Variants in PCNA observed in about 807,000 individuals in gnomAD.
PCNA encodes DNA sliding clamp PCNA.
A neutral mutation model predicts 27.8 loss-of-function variants in PCNA; 4 were observed. That is an observed-to-expected ratio of 0.14 (90% CI 0.07 to 0.33). The LOEUF (loss-of-function observed/expected upper bound fraction) is 0.33. PCNA is among the 10% of genes least tolerant of loss of function. The pLI is 1.00. For missense variants in PCNA, 165 were observed against 327.4 expected, an observed-to-expected ratio of 0.50 and a Z score of 3.83; for synonymous variants, 121 against 119.4, an observed-to-expected ratio of 1.01 and a Z score of -0.09.
At chr20:5,119,527 A>C (rs771671235) in intron 1 of PCNA, 51 bp downstream of exon 1, 1 of 1,472,350 alleles carries the variant, frequency 6.8e-7, no homozygotes, top group Admixed American at 1.8e-5. Flanking sequence ...CCCGCCAAGC[A>C]CCGGAGGTGC....
At position 5,117,549 on chromosome 20, in the gene PCNA, T is replaced by C; in HGVS notation, c.503A>G (p.Lys168Arg). Residue 168 changes from lysine to arginine, a missense_variant, in exon 4 of 6, where the codon AAA becomes AGA. Lys to Arg is a conservative substitution (Grantham distance 26, BLOSUM62 2). Transcript: ENST00000379143. ...VVISCAKDGV[K>R]FSASGELGNG... is the part of the protein sequence containing the mutation. ...TCCAAGTTCTCCACTTGCAGAAAATTTCACTCCGTCTTTTGCACAGGAAAT... is the reference window on the plus strand; with the variant it reads ...TCCAAGTTCTCCACTTGCAGAAAATCTCACTCCGTCTTTTGCACAGGAAAT... 1 of 1,614,038 alleles carries C rather than the reference T, an allele frequency of 6.2e-7. No homozygotes were observed. Among genetic ancestry groups the C allele is most frequent in the South Asian group, 1.1e-5 (1 of 91,078 alleles).
upstream of PCNA, among the ~76,000 whole-genome samples, chr20:5,122,604 C>A (rs2090524792): frequency 6.6e-6 from 1 of 152,182 alleles, no homozygotes; most frequent in African/African-American, 2.4e-5. Context: ...ATCTCAATAT[C>A]AAAACATAAT....
In PCNA at chr20:5,119,583, G is replaced by A. The variant is rs267605997; in HGVS notation, c.216C>T (p.Leu72=). Residue 72 remains leucine, a synonymous_variant, in exon 1 of 6, where the codon CTC becomes CTT. Transcript: ENST00000379143. The part of the protein sequence containing the change: ...CDRNLAMGVN[L]TSMSKILKCA... ...CCCGGGGCCGCGAGGCTCACCTGGT[G>A]AGGTTCACGCCCATGGCCAGGTTGC... 1 of 1,611,484 alleles carries A rather than the reference G, an allele frequency of 6.2e-7. No homozygotes were observed. The highest frequency in any genetic ancestry group is 2.2e-5 in the East Asian group (1 of 44,806).
chr20:5,120,063 C>A (rs2090508249), upstream of PCNA: 1 of 484,464 alleles, frequency 2.1e-6, no homozygotes, highest in Non-Finnish European at 3.8e-6. Context: ...CCAATCGTGT[C>A]CATGCTCCCC....
chr20:5,121,699 A>G (rs6116655), upstream of PCNA, among the ~76,000 whole-genome samples: 23,629 of 147,126 alleles, frequency 0.16, 2,589 homozygotes, highest in African/African-American at 0.32. Flanking sequence ...CAAGATGACT[A>G]CTCACTGCCA....
At position 5,119,881 on chromosome 20, in the gene PCNA, C is replaced by G; in HGVS notation, c.-83G>C. 9.1e-7 allele frequency: 1 copy of G among 1,103,844 alleles called. No individual in the cohort carries two copies. 68.4% of individuals were successfully genotyped at this position (1,103,844 alleles called of 1,614,324 possible). On this transcript the variant is annotated 5_prime_UTR_variant, in exon 1 of 6. Transcript: ENST00000379143. ...GGTTTCGGCTTCAGGAGCCTCAGAG[C>G]GAGCGGGCGAACGTCGCGACGACCG...
At chr20:5,118,235 G>GTAGA (rs1452039704) in intron 3 of PCNA, among the ~76,000 whole-genome samples, 3 of 152,194 alleles carry the variant, frequency 2.0e-5, no homozygotes, top group African/African-American at 7.2e-5. Context: ...ACATGCACCA[G>GTAGA]TAGATATATT....
chr20:5,119,530 G>C lies in PCNA; in HGVS notation c.221+48C>G, dbSNP rs746605765. 4 of 1,482,768 alleles carry C rather than the reference G, an allele frequency of 2.7e-6. No homozygotes were observed. The East Asian group carries it at 9.3e-5, about 34-fold the overall frequency. 91.9% of individuals were successfully genotyped at this position (1,482,768 alleles called of 1,614,324 possible). ...CTCGAAAGCGCTCCCGCCAAGCACC[G>C]GAGGTGCAGGCGGGCCGGGGCCGGC... On this transcript the variant is annotated intron_variant, in intron 1 of 5. Transcript: ENST00000379143.
At chr20:5,119,457 G>A (rs979129379) in intron 1 of PCNA, 121 bp downstream of exon 1, 1 of 775,822 alleles carries the variant, frequency 1.3e-6, no homozygotes, top group Non-Finnish European at 2.0e-6. Flanking sequence ...CTGCGTGGCA[G>A]GCCAATGAGA....
chr20:5,120,022 A>G (rs561138767), upstream of PCNA: 24 of 569,130 alleles, frequency 4.2e-5, no homozygotes, highest in Non-Finnish European at 6.3e-5. Context: ...CACGCTGTCC[A>G]GCCCACGGCC....
upstream of PCNA, chr20:5,121,390 T>C (rs2122913424): frequency 7.2e-6 from 1 of 138,660 alleles, no homozygotes; most frequent in East Asian, 2.0e-4. Context: ...TCTTTCCTTT[T>C]TTTTTTTTTT....
At position 5,117,571 on chromosome 20, in the gene PCNA, A is replaced by C; in HGVS notation, c.481T>G (p.Ser161Ala). ...LSHIGDAVVI[S>A]CAKDGVKFSA... ...AATTTCACTCCGTCTTTTGCACAGG[A>C]AATTACAACAGCATCTCCAATATGG... The change falls in exon 4 of 6, where the codon TCC becomes GCC. Residue 161 changes from serine (S) to alanine (A), a missense_variant. Transcript: ENST00000379143. The C allele has an allele frequency of 6.2e-7, 1 of 1,613,934 alleles. No homozygotes were observed. Among genetic ancestry groups the C allele is most frequent in the Non-Finnish European group, 8.5e-7 (1 of 1,179,862 alleles).
In PCNA at chr20:5,115,533, CAA is replaced by C; in HGVS notation, c.620_621del (p.Phe207CysfsTer33). 6.2e-7 allele frequency: 1 copy of C among 1,613,808 alleles called. No individual in the cohort carries two copies. Among genetic ancestry groups the C allele is most frequent in the Non-Finnish European group, 8.5e-7 (1 of 1,179,814 alleles). On this transcript the variant is annotated frameshift_variant, in exon 5 of 6. Coordinates refer to ENST00000379143, the MANE Select transcript of PCNA (RefSeq NM_182649.2). LOFTEE classifies it high-confidence loss of function. ...GTAAAGAAGTTCAGGTACCTCAGTG[CAA>C]AAGTTAGTTGAACTGGTTCATTCAT... ...IEMNEPVQLT[F>X]ALRYLNFFTK...
At chr20:5,120,187 G>T (rs1236411577), upstream of PCNA, among the ~76,000 whole-genome samples, 1 of 152,248 alleles carries the variant, frequency 6.6e-6, no homozygotes. Flanking sequence ...ACAAGTCCGG[G>T]CATATGTGGA....
upstream of PCNA, among the ~76,000 whole-genome samples, chr20:5,120,280 G>C (rs988452714): frequency 3.3e-5 from 5 of 152,228 alleles, no homozygotes; most frequent in African/African-American, 1.2e-4. Context: ...AAAGTTTCCA[G>C]CCACGAAAGT....
chr20:5,115,589 T>A lies in PCNA; in HGVS notation c.583-17A>T, dbSNP rs1054538119. The A allele has an allele frequency of 1.9e-6, 3 of 1,606,942 alleles. No individual in the cohort carries two copies. The African/African-American group carries it at 4.0e-5, about 22-fold the overall frequency. ...TATGGTAACCTACAAAACAAAAGAT[T>A]CATCATTGAAAAACATCAAGAAAGT... On this transcript the variant is annotated splice_polypyrimidine_tract_variant and intron_variant, in intron 4 of 5. Coordinates refer to ENST00000379143, the MANE Select transcript of PCNA (RefSeq NM_182649.2).
intron 1 of PCNA, among the ~76,000 whole-genome samples, chr20:5,119,350 C>T (rs928993519): frequency 2.0e-5 from 3 of 151,684 alleles, no homozygotes; most frequent in Non-Finnish European, 3.0e-5. Flanking sequence ...GATTTTCCCG[C>T]CACCACCCGC....
In PCNA at chr20:5,117,632, A is replaced by T. The variant is rs1266869269; in HGVS notation, c.420T>A (p.Pro140=). The stretch of plus-strand genomic sequence containing the variant: ...GGCATATACGTGCAAATTCACCAGA[A>T]GGCATCTTTACTACACAGCTGTACT... The part of the protein sequence containing the change: ...EQEYSCVVKM[P]SGEFARICRD... Residue 140 remains proline, a synonymous_variant, in exon 4 of 6, where the codon CCT becomes CCA. Coordinates refer to ENST00000379143, the MANE Select transcript of PCNA (RefSeq NM_182649.2). 3.1e-6 allele frequency: 5 copies of T among 1,613,678 alleles called. No individual in the cohort carries two copies. The highest frequency in any genetic ancestry group is 4.2e-6 in the Non-Finnish European group (5 of 1,179,858).
At chr20:5,115,415 A>C in intron 5 of PCNA, 34 bp downstream of exon 5, 1 of 1,613,840 alleles carries the variant, frequency 6.2e-7, no homozygotes, top group Non-Finnish European at 8.5e-7. Flanking sequence ...ACATATGACT[A>C]CCTACAAAAC....
Sources: allele counts gnomAD v4.1 joint callset (sites outside exome capture counted in the v4.1 genomes callset), GRCh38; gene constraint gnomAD v4.1.1; transcripts MANE v1.5; gene names NCBI Gene and HGNC (gene_info 2026-07-23, HGNC 2026-07-21).